ALPK1: variants seen among roughly 807,000 people sequenced by gnomAD.
ALPK1 encodes the protein alpha-protein kinase 1.
A neutral mutation model predicts 120.6 loss-of-function variants in ALPK1; 110 were observed. That is an observed-to-expected ratio of 0.91 (90% CI 0.78 to 1.07). The LOEUF is 1.07. Ranked by LOEUF, ALPK1 falls within the 50% of genes least tolerant of loss-of-function variation. The pLI is 0.00. For synonymous variants in ALPK1, 582 were observed against 560.3 expected (o/e 1.04, Z -0.55); for missense variants, 1,498 against 1,483.9 (o/e 1.01, Z -0.16).
chr4:112,348,884 A>G (rs1236733304), intron 2 of ALPK1, among the ~76,000 whole-genome samples: 1 of 152,182 alleles, frequency 6.6e-6, no homozygotes, highest in Non-Finnish European at 1.5e-5. Flanking sequence ...GTCTCGGAGC[A>G]AAGGAGAAGA....
Position 112,410,003 on chromosome 4 carries a change from T to C in ALPK1, c.277-1824T>C, listed in dbSNP as rs543922900. On this transcript the variant is annotated intron_variant, in intron 4 of 15. Coordinates refer to ENST00000650871, the MANE Select transcript of ALPK1 (RefSeq NM_025144.4). ...AGCATCAGTTTTAAAAAAGAAAGAT[T>C]ATTGTGCTGGTATTTGGCAGGCATT... is the stretch of plus-strand genomic sequence containing the variant. Among the ~76,000 whole-genome samples the C allele has an allele frequency of 2.6e-5, 4 of 152,294 alleles. No individual in the cohort carries two copies. In the South Asian group the frequency reaches 8.3e-4, roughly 32 times the overall value.
chr4:112,413,440 A>T (rs1350844035), intron 5 of ALPK1, among the ~76,000 whole-genome samples: 1 of 152,146 alleles, frequency 6.6e-6, no homozygotes, highest in Non-Finnish European at 1.5e-5. Flanking sequence ...TTTGTTTTTG[A>T]GACAGTCTCG....
intron 3 of ALPK1, 70 bp downstream of exon 3, chr4:112,377,968 A>G: frequency 1.3e-6 from 2 of 1,487,484 alleles, no homozygotes; most frequent in African/African-American, 1.4e-5. Flanking sequence ...CCTGAACGAC[A>G]CGTTCTTATC....
At chr4:112,377,964 C>A in intron 3 of ALPK1, 66 bp downstream of exon 3, 2 of 1,497,934 alleles carry the variant, frequency 1.3e-6, no homozygotes, top group Non-Finnish European at 1.8e-6. Context: ...CCTGCCTGAA[C>A]GACACGTTCT....
At chr4:112,310,780 T>G (rs961180462) in intron 1 of ALPK1, among the ~76,000 whole-genome samples, 3 of 151,972 alleles carry the variant, frequency 2.0e-5, no homozygotes, top group Admixed American at 6.6e-5. Context: ...ATTAAATGAG[T>G]TAATATATTA....
At chr4:112,400,411 A>C (rs907545453) in intron 4 of ALPK1, among the ~76,000 whole-genome samples, 6 of 152,210 alleles carry the variant, frequency 3.9e-5, no homozygotes, top group African/African-American at 1.2e-4. Context: ...TTTCTCAGTG[A>C]AATAACAATC....
intron 14 of ALPK1, 21 bp from the exon 15 acceptor site, chr4:112,440,896 G>A (rs1238389106): frequency 1.3e-6 from 2 of 1,595,816 alleles, no homozygotes; most frequent in South Asian, 1.1e-5. Context: ...TAATACTCAG[G>A]TGTGTTCATT....
rs954791357 is a variant in ALPK1 at position 112,442,315 on chromosome 4, G to A, written c.*1105G>A. The A allele has an allele frequency of 2.0e-5, 3 of 152,182 alleles. No individual in the cohort carries two copies. The highest frequency in any genetic ancestry group is 7.2e-5 in the African/African-American group (3 of 41,444). The allele number at this position is 152,182 out of a possible 1,614,324, so 9.4% of individuals were successfully genotyped here. A position where few individuals can be genotyped will look rare whatever the true frequency, so the allele number is the denominator to read the frequency against. Reference sequence around the variant, plus strand: ...AAAGAATGAGATCATGTCCTTTGCAGGGACATGGATAGAGCTGGAGGCCAT... The same window carrying A: ...AAAGAATGAGATCATGTCCTTTGCAAGGACATGGATAGAGCTGGAGGCCAT... On this transcript the variant is annotated 3_prime_UTR_variant, in exon 16 of 16. Transcript: ENST00000650871.
At chr4:112,353,887 A>G (rs115211638) in intron 2 of ALPK1, among the ~76,000 whole-genome samples, 1 of 149,532 alleles carries the variant, frequency 6.7e-6, no homozygotes, top group African/African-American at 2.6e-5. Context: ...AAATAAATAA[A>G]TAAATAAATA....
chr4:112,394,875 G>T (rs557183487), intron 4 of ALPK1, among the ~76,000 whole-genome samples: 3 of 152,234 alleles, frequency 2.0e-5, no homozygotes, highest in African/African-American at 7.2e-5. Flanking sequence ...TTCAAGTGTT[G>T]GGCAGACAAA....
At chr4:112,342,737 C>T (rs778235723) in intron 2 of ALPK1, among the ~76,000 whole-genome samples, 3 of 152,152 alleles carry the variant, frequency 2.0e-5, no homozygotes, top group Non-Finnish European at 4.4e-5. Flanking sequence ...ATGTCATGTA[C>T]TTTTATCCTT....
rs553740266 is a variant in ALPK1 at position 112,323,255 on chromosome 4, T to TA, written c.-101+7409dup. On this transcript the variant is annotated intron_variant, in intron 2 of 15. Coordinates refer to ENST00000650871, the MANE Select transcript of ALPK1 (RefSeq NM_025144.4). ...CTTAACTAAACCTCCTTTCCCTGTA[T>TA]AAAAAATCATTATTTTTTTCCTCAA... 4.9e-3 allele frequency among the ~76,000 whole-genome samples: 748 copies of TA among 152,330 alleles called. 7 individuals carry two copies. Among genetic ancestry groups the TA allele is most frequent in the African/African-American group, 0.017 (694 of 41,568 alleles).
At chr4:112,341,124 CGT>C (rs1286779055) in intron 2 of ALPK1, among the ~76,000 whole-genome samples, 1 of 152,032 alleles carries the variant, frequency 6.6e-6, no homozygotes, top group East Asian at 1.9e-4. Context: ...TGTCTGTGTG[CGT>C]GTGTGTTTTA....
At chr4:112,332,250 G>T (rs1461173052) in intron 2 of ALPK1, among the ~76,000 whole-genome samples, 1 of 152,176 alleles carries the variant, frequency 6.6e-6, no homozygotes, top group Non-Finnish European at 1.5e-5. Flanking sequence ...AAGAATACCA[G>T]TTAATTTGCC....
At chr4:112,439,989 A>T in intron 14 of ALPK1, 117 bp downstream of exon 14, 1 of 949,038 alleles carries the variant, frequency 1.1e-6, no homozygotes, top group East Asian at 2.8e-5. Context: ...TATTATTTGG[A>T]GTTAACTTAA....
In ALPK1 at chr4:112,320,272, A is replaced by G. The variant is rs149319656; in HGVS notation, c.-101+4420A>G. Among the ~76,000 whole-genome samples the G allele has an allele frequency of 9.5e-3, 1,446 of 152,298 alleles. 25 individuals are homozygous for G. The highest frequency in any genetic ancestry group is 0.039 in the Admixed American group (591 of 15,288). On this transcript the variant is annotated intron_variant, in intron 2 of 15. Transcript: ENST00000650871. The stretch of plus-strand genomic sequence containing the variant: ...TTATAAAGAGATGCTGGATTTTGTC[A>G]AATGCTTTTTCTGCATCTATTGACA...
At chr4:112,312,740 A>G (rs1055758835) in intron 1 of ALPK1, among the ~76,000 whole-genome samples, 3 of 152,250 alleles carry the variant, frequency 2.0e-5, no homozygotes, top group Admixed American at 1.3e-4. Flanking sequence ...AGGAAGTCAC[A>G]GTGAAAGAAC....
Position 112,427,594 on chromosome 4 carries a change from C to G in ALPK1, c.724C>G (p.Leu242Val), listed in dbSNP as rs1171884397. The change falls in exon 9 of 16, where the codon CTG (leucine) becomes GTG (valine). Residue 242 changes from leucine (L) to valine (V), a missense_variant. Physicochemically the swap from Leu to Val is conservative, Grantham distance 32 (BLOSUM62 1). Transcript: ENST00000650871. Reference sequence around the variant, plus strand: ...GGGCCTCTCCACGTCGCTAGGTATACTGGCAGACATCTTTGTTTCCATGAG... The same window carrying G: ...GGGCCTCTCCACGTCGCTAGGTATAGTGGCAGACATCTTTGTTTCCATGAG... ...KKGLSTSLGI[L>V]ADIFVSMSKN... 1 of 1,614,002 alleles carries G rather than the reference C, an allele frequency of 6.2e-7. No homozygotes were observed. The highest frequency in any genetic ancestry group is 1.1e-5 in the South Asian group (1 of 91,070).
At chr4:112,344,793 G>C (rs1730035129) in intron 2 of ALPK1, among the ~76,000 whole-genome samples, 1 of 152,146 alleles carries the variant, frequency 6.6e-6, no homozygotes, top group Admixed American at 6.5e-5. Flanking sequence ...AAAGTTTTGT[G>C]TCTGAGGTGC....
Sources: gnomAD v4.1 joint callset for allele counts (sites outside exome capture counted in the v4.1 genomes callset) on GRCh38, gnomAD v4.1.1 for gene constraint, MANE v1.5 for transcripts, NCBI Gene and HGNC (gene_info 2026-07-23, HGNC 2026-07-21) for gene names.